Variants in CYP7B1 observed in about 807,000 individuals in gnomAD.
The protein encoded by CYP7B1 is cytochrome P450 7B1.
CYP7B1 carries 29 observed loss-of-function variants against 42.7 expected under a neutral mutation model. That is an observed-to-expected ratio of 0.68 (90% CI 0.51 to 0.93). CYP7B1 has a LOEUF of 0.93. CYP7B1 is among the 40% of genes least tolerant of loss of function. The probability of loss-of-function intolerance (pLI) is 0.00; values close to 1 mark genes in which losing one functional copy is unlikely to be tolerated. For missense variants in CYP7B1, 655 were observed against 600.5 expected, an observed-to-expected ratio of 1.09 and a Z score of -0.95; for synonymous variants, 235 against 218.2, an observed-to-expected ratio of 1.08 and a Z score of -0.68.
intron 1 of CYP7B1, among the ~76,000 whole-genome samples, chr8:64,713,870 T>C (rs946341779): frequency 6.6e-6 from 1 of 152,226 alleles, no homozygotes; most frequent in Admixed American, 6.5e-5. Flanking sequence ...TGCTATCTCA[T>C]AGTGACTGCA....
At chr8:64,664,070 T>A (rs1442151603) in intron 1 of CYP7B1, among the ~76,000 whole-genome samples, 1 of 152,132 alleles carries the variant, frequency 6.6e-6, no homozygotes, top group African/African-American at 2.4e-5. Flanking sequence ...TCAGGATCCA[T>A]GCAGGCCAGG....
chr8:64,745,448 T>C (rs909294964), intron 1 of CYP7B1, among the ~76,000 whole-genome samples: 4 of 152,204 alleles, frequency 2.6e-5, no homozygotes, highest in East Asian at 1.9e-4. Context: ...TTTTGTGCTA[T>C]AGTTTTAAGC....
At position 64,596,542 on chromosome 8, in the gene CYP7B1, CAAAT is replaced by C. The variant is rs931527697; in HGVS notation, c.*96_*99del. ...CAAATAGAAATTAGCGCTTTTTAAA[CAAAT>C]AAATCAATTACATTTGCAGAAATTA... On this transcript the variant is annotated 3_prime_UTR_variant, in exon 6 of 6. Coordinates refer to ENST00000310193, the MANE Select transcript of CYP7B1 (RefSeq NM_004820.5). The C allele has an allele frequency of 4.0e-6, 5 of 1,252,908 alleles. No individual in the cohort carries two copies. Among genetic ancestry groups the C allele is most frequent in the South Asian group, 2.8e-5 (2 of 72,372 alleles). 77.6% of individuals were successfully genotyped at this position (1,252,908 alleles called of 1,614,324 possible). A position where few individuals can be genotyped will look rare whatever the true frequency, so the allele number is the denominator to read the frequency against.
intron 1 of CYP7B1, 127 bp downstream of exon 1, chr8:64,798,339 A>G: frequency 7.5e-7 from 1 of 1,325,154 alleles, no homozygotes; most frequent in Non-Finnish European, 9.7e-7. Context: ...AAAGGAAGCC[A>G]GTACCCCGCA....
chr8:64,652,621 G>T (rs1246065864), intron 1 of CYP7B1, among the ~76,000 whole-genome samples: 1 of 152,156 alleles, frequency 6.6e-6, no homozygotes, highest in South Asian at 2.1e-4. Context: ...GAGGCAGGCG[G>T]ATCACGAGGT....
intron 1 of CYP7B1, among the ~76,000 whole-genome samples, chr8:64,696,610 G>A (rs1277565118): frequency 2.0e-5 from 3 of 152,156 alleles, no homozygotes. Flanking sequence ...AATATGTATG[G>A]CTAAGGAGAC....
intron 1 of CYP7B1, among the ~76,000 whole-genome samples, chr8:64,637,287 C>T (rs887750532): frequency 6.6e-6 from 1 of 152,150 alleles, no homozygotes; most frequent in African/African-American, 2.4e-5. Context: ...AATGAAAAGC[C>T]TGAGGCCCCA....
In CYP7B1 at chr8:64,691,482, T is replaced by TCG. The variant is rs1554532278; in HGVS notation, c.123-66944_123-66943insCG. ...ATGAACGTATGGTTGCGATGGCAAC[T>TCG]GGGGGGGGGGGGTGGTGGTTAAAGC... On this transcript the variant is annotated intron_variant, in intron 1 of 5. Coordinates refer to ENST00000310193, the MANE Select transcript of CYP7B1 (RefSeq NM_004820.5). Among the ~76,000 whole-genome samples the TCG allele has an allele frequency of 1.9e-4, 10 of 53,486 alleles. 1 individual carries two copies. The highest frequency in any genetic ancestry group is 3.8e-4 in the Non-Finnish European group (10 of 26,262). The allele number at this position is 53,486 out of a possible 152,430, so 35.1% of individuals were successfully genotyped here.
At chr8:64,785,202 C>A (rs1270272870) in intron 1 of CYP7B1, among the ~76,000 whole-genome samples, 1 of 152,142 alleles carries the variant, frequency 6.6e-6, no homozygotes, top group East Asian at 1.9e-4. Flanking sequence ...AACACTGACA[C>A]CACCAAATGT....
At chr8:64,603,495 T>C (rs1002702454) in intron 5 of CYP7B1, among the ~76,000 whole-genome samples, 1 of 152,222 alleles carries the variant, frequency 6.6e-6, no homozygotes, top group Non-Finnish European at 1.5e-5. Context: ...AATGCAGAAT[T>C]GTAGGTAAAA....
At chr8:64,671,776 G>C (rs1005576307) in intron 1 of CYP7B1, among the ~76,000 whole-genome samples, 2 of 151,968 alleles carry the variant, frequency 1.3e-5, no homozygotes. Context: ...ATCTCCTACT[G>C]GTTCTGTTTC....
At chr8:64,618,964 G>A (rs1428973022) in intron 2 of CYP7B1, among the ~76,000 whole-genome samples, 1 of 151,972 alleles carries the variant, frequency 6.6e-6, no homozygotes, top group Non-Finnish European at 1.5e-5. Flanking sequence ...TTTTTATTGA[G>A]ATGTGAATTG....
chr8:64,590,014 T>C (rs1197590309), downstream of CYP7B1, among the ~76,000 whole-genome samples: 1 of 152,230 alleles, frequency 6.6e-6, no homozygotes, highest in Non-Finnish European at 1.5e-5. Flanking sequence ...AGCACAGCCA[T>C]TGGGCATTTT....
intron 1 of CYP7B1, among the ~76,000 whole-genome samples, chr8:64,684,674 G>C (rs957612808): frequency 1.3e-5 from 2 of 152,170 alleles, no homozygotes; most frequent in African/African-American, 4.8e-5. Flanking sequence ...CCAAGCAACT[G>C]CCAGCAGGTG....
chr8:64,637,822 A>G (rs1421683148), intron 1 of CYP7B1, among the ~76,000 whole-genome samples: 2 of 152,102 alleles, frequency 1.3e-5, no homozygotes, highest in Middle Eastern at 3.2e-3. Flanking sequence ...CTATGTACTC[A>G]TCACTAATTC....
At chr8:64,722,951 A>G (rs1390212759) in intron 1 of CYP7B1, among the ~76,000 whole-genome samples, 1 of 152,168 alleles carries the variant, frequency 6.6e-6, no homozygotes, top group Non-Finnish European at 1.5e-5. Flanking sequence ...TCTGTAGCTC[A>G]TTAAAATAAC....
intron 1 of CYP7B1, among the ~76,000 whole-genome samples, chr8:64,709,133 C>T (rs1807043283): frequency 6.6e-6 from 1 of 152,204 alleles, no homozygotes; most frequent in African/African-American, 2.4e-5. Context: ...CAACACTGAT[C>T]CTCCTGGGAA....
At chr8:64,718,816 A>C (rs1585875008) in intron 1 of CYP7B1, among the ~76,000 whole-genome samples, 1 of 152,294 alleles carries the variant, frequency 6.6e-6, no homozygotes, top group African/African-American at 2.4e-5. Flanking sequence ...GATTTTCCTT[A>C]GGGTAACTGG....
rs766368787 is a variant in CYP7B1, at chr8:64,604,783, G to C, written c.1132C>G (p.Leu378Val). Residue 378 changes from leucine (L) to valine (V), a missense_variant, in exon 5 of 6, where the codon CTC becomes GTC. By Grantham distance (32) the Leu-to-Val change is conservative (BLOSUM62 1). Transcript: ENST00000310193. Reference protein sequence around the residue: ...TIRFVEEDLTLSSETGDYCVR... With the variant: ...TIRFVEEDLTVSSETGDYCVR... ...CAGTAGTCCCCGGTCTCTGAACTGA[G>C]AGTCAAATCCTCCTCAACAAAACGA... 4.6e-5 allele frequency: 74 copies of C among 1,614,020 alleles called. No individual in the cohort carries two copies. Among genetic ancestry groups the C allele is most frequent in the Non-Finnish European group, 5.8e-5 (69 of 1,180,038 alleles).
Sources: gnomAD v4.1 joint callset for allele counts (sites outside exome capture counted in the v4.1 genomes callset) on GRCh38, gnomAD v4.1.1 for gene constraint, MANE v1.5 for transcripts, NCBI Gene and HGNC (gene_info 2026-07-23, HGNC 2026-07-21) for gene names.